The following CACNB2 variants were observed in gnomAD, a reference collection of about 807,000 sequenced individuals.
The protein encoded by CACNB2 is calcium voltage-gated channel auxiliary subunit beta 2.
A neutral mutation model predicts 73.3 loss-of-function variants in CACNB2; 42 were observed. The ratio of observed to expected loss-of-function variants is 0.57; its 90% confidence interval spans 0.45 to 0.74. The LOEUF is 0.74. Ranked by LOEUF, CACNB2 falls within the 30% of genes least tolerant of loss-of-function variation. The probability of loss-of-function intolerance (pLI) is 0.00; values close to 1 mark genes in which losing one functional copy is unlikely to be tolerated. For missense variants in CACNB2, 940 were observed against 853.0 expected (o/e 1.10, Z -1.27); for synonymous variants, 348 against 310.3 (o/e 1.12, Z -1.28).
At chr10:18,245,274 G>A (rs2036816485) in intron 2 of CACNB2, among the ~76,000 whole-genome samples, 1 of 152,132 alleles carries the variant, frequency 6.6e-6, no homozygotes, top group African/African-American at 2.4e-5. Flanking sequence ...GATGAACTAA[G>A]GTAGAACTGC....
intron 3 of CACNB2, among the ~76,000 whole-genome samples, chr10:18,414,039 C>A (rs2044788987): frequency 1.3e-5 from 2 of 152,256 alleles, no homozygotes; most frequent in Admixed American, 1.3e-4. Context: ...TTGTTTGTCA[C>A]TTGTTGGTGA....
chr10:18,456,872 T>C (rs184126191), intron 3 of CACNB2, among the ~76,000 whole-genome samples: 77 of 152,308 alleles, frequency 5.1e-4, no homozygotes, highest in African/African-American at 1.7e-3. Flanking sequence ...TATACCACAA[T>C]TGGGTTTATT....
intron 2 of CACNB2, among the ~76,000 whole-genome samples, chr10:18,281,559 C>A (rs879654633): frequency 1.3e-5 from 2 of 152,148 alleles, no homozygotes; most frequent in Non-Finnish European, 2.9e-5. Flanking sequence ...AGCTTCCCTT[C>A]CGTTCTTTCC....
Position 18,315,104 on chromosome 10 carries a change from G to A in CACNB2, c.214-86820G>A, listed in dbSNP as rs112087463. On this transcript the variant is annotated intron_variant, in intron 2 of 13. Coordinates refer to ENST00000324631, the MANE Select transcript of CACNB2 (RefSeq NM_201596.3). ...CTCAGCACTTTGGGAGGCCAACGCC[G>A]GCCGATGACCTGAGGTCAGGAGTTC... Among the ~76,000 whole-genome samples, 1,160 of 152,196 alleles carry A rather than the reference G, an allele frequency of 7.6e-3. 10 individuals carry two copies. The highest frequency in any genetic ancestry group is 0.027 in the African/African-American group (1,101 of 41,510).
At chr10:18,524,035 C>A in intron 9 of CACNB2, among the ~76,000 whole-genome samples, 1 of 151,924 alleles carries the variant, frequency 6.6e-6, no homozygotes, top group Non-Finnish European at 1.5e-5. Context: ...ATAAATCATC[C>A]TCCTCCTCCT....
At chr10:18,154,427 A>G (rs1435761169) in intron 2 of CACNB2, among the ~76,000 whole-genome samples, 3 of 151,872 alleles carry the variant, frequency 2.0e-5, no homozygotes. Flanking sequence ...GGCCTCTGGG[A>G]GTGGGGCTCT....
intron 2 of CACNB2, among the ~76,000 whole-genome samples, chr10:18,323,917 AT>A (rs1242354261): frequency 6.6e-6 from 1 of 152,256 alleles, no homozygotes; most frequent in East Asian, 1.9e-4. Flanking sequence ...AAATTCAGTC[AT>A]CTCCATCTTA....
intron 2 of CACNB2, among the ~76,000 whole-genome samples, chr10:18,276,885 GA>G (rs1420764034): frequency 1.3e-5 from 2 of 152,148 alleles, no homozygotes; most frequent in Non-Finnish European, 2.9e-5. Flanking sequence ...GGCCTTGCAG[GA>G]GGATCTTTTG....
intron 3 of CACNB2, among the ~76,000 whole-genome samples, chr10:18,458,280 A>G (rs1455146989): frequency 1.3e-5 from 2 of 152,256 alleles, no homozygotes; most frequent in African/African-American, 4.8e-5. Context: ...TTCAAAAACA[A>G]ATTTGGCAAA....
At chr10:18,358,374 C>T (rs2042005289) in intron 2 of CACNB2, among the ~76,000 whole-genome samples, 1 of 152,214 alleles carries the variant, frequency 6.6e-6, no homozygotes, top group African/African-American at 2.4e-5. Context: ...AGGTGTGAGC[C>T]ACCATGCCTG....
At chr10:18,260,575 G>A in intron 2 of CACNB2, 1 of 985,912 alleles carries the variant, frequency 1.0e-6, no homozygotes, top group Non-Finnish European at 1.2e-6. Context: ...TTTGGAGGAT[G>A]TTTCTGTAGT....
chr10:18,266,539 G>T (rs1191706518), intron 2 of CACNB2, among the ~76,000 whole-genome samples: 2 of 151,420 alleles, frequency 1.3e-5, no homozygotes, highest in African/African-American at 2.4e-5. Flanking sequence ...AATTGTGGTT[G>T]TTCACTCACA....
At chr10:18,386,732 A>G (rs1476657744) in intron 2 of CACNB2, among the ~76,000 whole-genome samples, 1 of 152,214 alleles carries the variant, frequency 6.6e-6, no homozygotes, top group African/African-American at 2.4e-5. Context: ...AATCTGATAT[A>G]GTAAAATGTA....
intron 2 of CACNB2, among the ~76,000 whole-genome samples, chr10:18,227,953 A>T (rs932312928): frequency 1.3e-5 from 2 of 152,170 alleles, no homozygotes; most frequent in African/African-American, 4.8e-5. Flanking sequence ...AGAGAGTGAG[A>T]AGATGCTAGT....
At chr10:18,292,308 A>C (rs547137077) in intron 2 of CACNB2, among the ~76,000 whole-genome samples, 2 of 152,358 alleles carry the variant, frequency 1.3e-5, no homozygotes, top group East Asian at 3.9e-4. Flanking sequence ...TATAAAGTTT[A>C]ACATTTCAGT....
At chr10:18,412,661 A>C (rs2044700971) in intron 3 of CACNB2, among the ~76,000 whole-genome samples, 1 of 152,230 alleles carries the variant, frequency 6.6e-6, no homozygotes, top group South Asian at 2.1e-4. Context: ...GCTGGTACAC[A>C]CAAAGTCTAC....
At chr10:18,464,818 G>A (rs2047787420) in intron 3 of CACNB2, among the ~76,000 whole-genome samples, 1 of 152,240 alleles carries the variant, frequency 6.6e-6, no homozygotes, top group South Asian at 2.1e-4. Context: ...GAGAGGAGGG[G>A]AGGCATTTTA....
intron 2 of CACNB2, among the ~76,000 whole-genome samples, chr10:18,235,864 T>TAGG (rs2036420801): frequency 6.6e-6 from 1 of 152,014 alleles, no homozygotes; most frequent in Non-Finnish European, 1.5e-5. Flanking sequence ...AGGGGGCTGG[T>TAGG]GGGATGGGAT....
At chr10:18,279,896 A>G (rs2038466919) in intron 2 of CACNB2, among the ~76,000 whole-genome samples, 1 of 152,186 alleles carries the variant, frequency 6.6e-6, no homozygotes, top group South Asian at 2.1e-4. Context: ...CCTGGCCAAC[A>G]TGACAAAAGT....
Sources: gnomAD v4.1 joint callset for allele counts (sites outside exome capture counted in the v4.1 genomes callset) on GRCh38, gnomAD v4.1.1 for gene constraint, MANE v1.5 for transcripts, NCBI Gene and HGNC (gene_info 2026-07-23, HGNC 2026-07-21) for gene names.